Variants in PTPN12 observed in about 807,000 individuals in gnomAD.
PTPN12 encodes tyrosine-protein phosphatase non-receptor type 12.
PTPN12 carries 29 observed loss-of-function variants against 97.6 expected under a neutral mutation model. That is an observed-to-expected ratio of 0.30 (90% CI 0.22 to 0.41). The LOEUF is 0.41. Ranked by LOEUF, PTPN12 falls within the 10% of genes least tolerant of loss-of-function variation. PTPN12 has a pLI of 1.00. For missense variants in PTPN12, 819 were observed against 926.0 expected, an observed-to-expected ratio of 0.88 and a Z score of 1.50; for synonymous variants, 327 against 300.4, an observed-to-expected ratio of 1.09 and a Z score of -0.91.
intron 13 of PTPN12, among the ~76,000 whole-genome samples, chr7:77,631,509 C>G (rs967020488): frequency 6.6e-6 from 1 of 152,188 alleles, no homozygotes; most frequent in African/African-American, 2.4e-5. Flanking sequence ...CCTCCCCAAC[C>G]TGAGAGTTCA....
chr7:77,574,751 T>A (rs1385662595), intron 2 of PTPN12, among the ~76,000 whole-genome samples: 2 of 152,206 alleles, frequency 1.3e-5, no homozygotes, highest in African/African-American at 4.8e-5. Context: ...GTAATCAGAT[T>A]GACAGTGCCT....
chr7:77,625,770 G>A (rs1173737132), intron 12 of PTPN12, among the ~76,000 whole-genome samples: 3 of 151,104 alleles, frequency 2.0e-5, no homozygotes, highest in Non-Finnish European at 4.4e-5. Flanking sequence ...GGGTTTTACT[G>A]TGTTGCTCAG....
At chr7:77,541,911 C>A (rs913790435) in intron 1 of PTPN12, among the ~76,000 whole-genome samples, 1 of 152,046 alleles carries the variant, frequency 6.6e-6, no homozygotes, top group East Asian at 1.9e-4. Flanking sequence ...TGTGGCTGAT[C>A]CAGAATTTGA....
At chr7:77,561,555 A>C (rs1300854686) in intron 1 of PTPN12, among the ~76,000 whole-genome samples, 6 of 152,132 alleles carry the variant, frequency 3.9e-5, no homozygotes, top group Non-Finnish European at 8.8e-5. Flanking sequence ...ATAGCGGTCA[A>C]TAAGTATTGA....
intron 1 of PTPN12, among the ~76,000 whole-genome samples, chr7:77,563,673 ACTTT>A (rs1466872925): frequency 6.6e-6 from 1 of 152,148 alleles, no homozygotes; most frequent in Non-Finnish European, 1.5e-5. Context: ...CTTCAAAGTT[ACTTT>A]CTTTATTATC....
intron 13 of PTPN12, among the ~76,000 whole-genome samples, chr7:77,628,456 T>C (rs933732314): frequency 4.6e-5 from 7 of 152,164 alleles, no homozygotes; most frequent in African/African-American, 1.7e-4. Context: ...TTTATTGATA[T>C]ATTGATTATC....
chr7:77,573,732 C>T (rs1019558213), intron 2 of PTPN12, among the ~76,000 whole-genome samples: 3 of 152,104 alleles, frequency 2.0e-5, no homozygotes. Flanking sequence ...GTCGTCTAGC[C>T]GTAGGTTTCT....
At chr7:77,595,643 A>G (rs1054086213) in intron 6 of PTPN12, among the ~76,000 whole-genome samples, 3 of 152,252 alleles carry the variant, frequency 2.0e-5, no homozygotes, top group Non-Finnish European at 4.4e-5. Flanking sequence ...TGTGGCCCAA[A>G]AAGCCAAAAA....
intron 6 of PTPN12, among the ~76,000 whole-genome samples, chr7:77,596,593 G>T (rs1788029848): frequency 6.6e-6 from 1 of 152,038 alleles, no homozygotes; most frequent in African/African-American, 2.4e-5. Flanking sequence ...GTATTTTTTT[G>T]TAGAGACAGG....
At chr7:77,613,426 C>T (rs1788641892) in intron 11 of PTPN12, among the ~76,000 whole-genome samples, 1 of 152,060 alleles carries the variant, frequency 6.6e-6, no homozygotes, top group Non-Finnish European at 1.5e-5. Context: ...CCACCCACCT[C>T]AGCCTCCCAA....
At chr7:77,573,361 G>A (rs1160720280) in intron 2 of PTPN12, among the ~76,000 whole-genome samples, 7 of 152,160 alleles carry the variant, frequency 4.6e-5, no homozygotes, top group Admixed American at 4.6e-4. Context: ...ATGCTGTCTA[G>A]TGAAGGGTCA....
chr7:77,633,380 C>T (rs1370034614), intron 14 of PTPN12, among the ~76,000 whole-genome samples: 4 of 152,094 alleles, frequency 2.6e-5, no homozygotes, highest in East Asian at 1.9e-4. Flanking sequence ...GAGACCAAGG[C>T]GGGCAGATCA....
intron 6 of PTPN12, among the ~76,000 whole-genome samples, chr7:77,594,082 A>G (rs1368364413): frequency 6.6e-6 from 1 of 152,190 alleles, no homozygotes; most frequent in African/African-American, 2.4e-5. Flanking sequence ...AATGTTAACT[A>G]TAACTCACCA....
chr7:77,615,471 G>A (rs939849556), intron 11 of PTPN12, among the ~76,000 whole-genome samples: 2 of 152,200 alleles, frequency 1.3e-5, no homozygotes, highest in African/African-American at 2.4e-5. Context: ...GCTAGGCGCC[G>A]TGGCTCATTT....
rs372058527 is a variant in PTPN12, at chr7:77,571,608, A to G, written c.208+422A>G. ...AGAAAATGAAGCATAGGATGACTCA[A>G]ACATCTGTGTGTCTACTATTCTCAG... On this transcript the variant is annotated intron_variant, in intron 2 of 17. Transcript: ENST00000248594. 8.0e-4 allele frequency among the ~76,000 whole-genome samples: 122 copies of G among 152,348 alleles called. 2 individuals carry two copies. In the South Asian group the frequency reaches 0.023, roughly 29 times the overall value.
At chr7:77,575,353 A>G (rs1256540503) in intron 2 of PTPN12, among the ~76,000 whole-genome samples, 2 of 150,906 alleles carry the variant, frequency 1.3e-5, no homozygotes. Context: ...ACACACACAT[A>G]CTCTCTCTTT....
chr7:77,596,696 G>A (rs1290992088), intron 6 of PTPN12, among the ~76,000 whole-genome samples: 24 of 152,192 alleles, frequency 1.6e-4, no homozygotes. Flanking sequence ...ACAGGTGTGA[G>A]CCACTGCCTA....
intron 16 of PTPN12, among the ~76,000 whole-genome samples, chr7:77,637,574 AG>A (rs1371718000): frequency 6.6e-6 from 1 of 152,136 alleles, no homozygotes; most frequent in African/African-American, 2.4e-5. Context: ...TGGAGTTATT[AG>A]GCCTGGCGTG....
chr7:77,608,225 A>T (rs1475630792), intron 9 of PTPN12, among the ~76,000 whole-genome samples: 2 of 152,208 alleles, frequency 1.3e-5, no homozygotes, highest in Non-Finnish European at 2.9e-5. Flanking sequence ...TCAAAATACT[A>T]ATCCCATAGT....
Sources: allele counts gnomAD v4.1 joint callset (sites outside exome capture counted in the v4.1 genomes callset), GRCh38; gene constraint gnomAD v4.1.1; transcripts MANE v1.5; gene names NCBI Gene and HGNC (gene_info 2026-07-23, HGNC 2026-07-21).